Variants in BMPR1B observed in about 807,000 individuals in gnomAD.
BMPR1B encodes the protein bone morphogenetic protein receptor type-1B.
A neutral mutation model predicts 59.1 loss-of-function variants in BMPR1B; 12 were observed. The observed-to-expected ratio is 0.20, with a 90% CI of 0.13 to 0.33. The LOEUF (loss-of-function observed/expected upper bound fraction) is 0.33. Ranked by LOEUF, BMPR1B falls within the 10% of genes least tolerant of loss-of-function variation. The pLI is 1.00. For missense variants in BMPR1B, 550 were observed against 610.9 expected (o/e 0.90, Z 1.05); for synonymous variants, 237 against 207.3 (o/e 1.14, Z -1.23).
At chr4:95,020,835 T>G (rs1723931730) in intron 3 of BMPR1B, among the ~76,000 whole-genome samples, 1 of 152,160 alleles carries the variant, frequency 6.6e-6, no homozygotes, top group Non-Finnish European at 1.5e-5. Context: ...CTCAGCCTCC[T>G]GAGTAGCTAG....
chr4:94,993,019 G>A (rs913658757), intron 2 of BMPR1B, among the ~76,000 whole-genome samples: 7 of 152,236 alleles, frequency 4.6e-5, no homozygotes, highest in Middle Eastern at 6.8e-3. Flanking sequence ...CTACTGGTGT[G>A]TGCCACCACA....
In BMPR1B at chr4:94,899,033, C is replaced by T. The variant is rs963530702; in HGVS notation, c.-113+23133C>T. 2.6e-5 allele frequency among the ~76,000 whole-genome samples: 4 copies of T among 151,994 alleles called. No individual in the cohort carries two copies. In the East Asian group the frequency reaches 7.7e-4, roughly 29 times the overall value. On this transcript the variant is annotated intron_variant, in intron 2 of 12. Transcript: ENST00000515059. ...CAAGGTGTCAGCAGGGCTGTGCAACCCCTGGATGTTCTAGGAGGTAACTCA... is the reference window on the plus strand; with the variant it reads ...CAAGGTGTCAGCAGGGCTGTGCAACTCCTGGATGTTCTAGGAGGTAACTCA...
intron 3 of BMPR1B, among the ~76,000 whole-genome samples, chr4:95,038,193 C>T (rs1725399734): frequency 6.6e-6 from 1 of 152,008 alleles, no homozygotes; most frequent in South Asian, 2.1e-4. Context: ...TCAGGAGACA[C>T]AAAGCTCTGA....
chr4:94,985,534 TGTG>T (rs1721350289), intron 2 of BMPR1B, among the ~76,000 whole-genome samples: 2 of 151,278 alleles, frequency 1.3e-5, no homozygotes, highest in Non-Finnish European at 3.0e-5. Flanking sequence ...TGTGTGTGTG[TGTG>T]TGTGTGTGTG....
intron 3 of BMPR1B, among the ~76,000 whole-genome samples, chr4:95,005,708 T>C (rs1420296093): frequency 2.0e-5 from 3 of 152,192 alleles, no homozygotes; most frequent in African/African-American, 7.2e-5. Flanking sequence ...TACCAAGTTG[T>C]TAACTGATTT....
At chr4:94,973,397 G>A (rs1730889208) in intron 2 of BMPR1B, among the ~76,000 whole-genome samples, 2 of 152,200 alleles carry the variant, frequency 1.3e-5, no homozygotes, top group South Asian at 2.1e-4. Context: ...GTCAATGAAA[G>A]TGGCTGTCAG....
At chr4:94,822,730 A>G (rs930467495) in intron 1 of BMPR1B, among the ~76,000 whole-genome samples, 1 of 152,116 alleles carries the variant, frequency 6.6e-6, no homozygotes. Context: ...CCAGATGACT[A>G]CTTTGGGTGC....
intron 1 of BMPR1B, among the ~76,000 whole-genome samples, chr4:94,855,200 A>T (rs919648652): frequency 9.2e-5 from 14 of 152,206 alleles, no homozygotes; most frequent in African/African-American, 2.9e-4. Context: ...AAGAACACCA[A>T]ACATTTATAG....
At chr4:95,037,209 G>A (rs1159671292) in intron 3 of BMPR1B, among the ~76,000 whole-genome samples, 2 of 152,106 alleles carry the variant, frequency 1.3e-5, no homozygotes, top group East Asian at 3.9e-4. Flanking sequence ...ATAGGATGGG[G>A]GCAGGGCTTA....
At chr4:94,796,877 A>G (rs1723213720) in intron 1 of BMPR1B, among the ~76,000 whole-genome samples, 1 of 152,240 alleles carries the variant, frequency 6.6e-6, no homozygotes, top group South Asian at 2.1e-4. Context: ...AATTATAGTC[A>G]GGTATAATAG....
intron 1 of BMPR1B, among the ~76,000 whole-genome samples, chr4:94,847,750 T>C (rs1423150798): frequency 1.7e-5 from 2 of 117,680 alleles, no homozygotes; most frequent in African/African-American, 6.2e-5. Context: ...ACTGAACTTG[T>C]GGAGATAGAG....
chr4:95,051,902 C>G, intron 3 of BMPR1B: 1 of 776,606 alleles, frequency 1.3e-6, no homozygotes. Context: ...CCCCCATTCT[C>G]CAACTGCCCT....
At chr4:94,795,762 C>T (rs1452624479) in intron 1 of BMPR1B, among the ~76,000 whole-genome samples, 1 of 152,086 alleles carries the variant, frequency 6.6e-6, no homozygotes, top group African/African-American at 2.4e-5. Context: ...CCTGTCCACC[C>T]TGGATTAATG....
intron 10 of BMPR1B, among the ~76,000 whole-genome samples, chr4:95,143,440 T>C (rs560403984): frequency 7.2e-5 from 11 of 152,240 alleles, no homozygotes; most frequent in African/African-American, 2.6e-4. Flanking sequence ...TGTCTTTTAA[T>C]TTTCTTGTCT....
chr4:94,952,847 T>C (rs1489622255), intron 2 of BMPR1B, among the ~76,000 whole-genome samples: 1 of 152,186 alleles, frequency 6.6e-6, no homozygotes, highest in Non-Finnish European at 1.5e-5. Context: ...CTATCAAATA[T>C]TGACAGTGTG....
intron 6 of BMPR1B, among the ~76,000 whole-genome samples, chr4:95,118,202 GTC>G (rs1384062326): frequency 8.5e-5 from 13 of 152,144 alleles, no homozygotes; most frequent in African/African-American, 2.9e-4. Context: ...TAGTTCCAAA[GTC>G]TCTGCAGATT....
At chr4:94,879,502 G>A (rs1726874757) in intron 2 of BMPR1B, among the ~76,000 whole-genome samples, 1 of 152,144 alleles carries the variant, frequency 6.6e-6, no homozygotes, top group South Asian at 2.1e-4. Flanking sequence ...ACTCCAGGAG[G>A]CTGAGGCAGG....
chr4:94,992,882 CT>C (rs35942593), intron 2 of BMPR1B, among the ~76,000 whole-genome samples: 77,280 of 151,018 alleles, frequency 0.51, 20,481 homozygotes, highest in South Asian at 0.64. Flanking sequence ...AGTATGTAAT[CT>C]TTTTTTTTCC....
At chr4:94,891,434 T>A (rs2148990460) in intron 2 of BMPR1B, among the ~76,000 whole-genome samples, 1 of 152,214 alleles carries the variant, frequency 6.6e-6, no homozygotes, top group Non-Finnish European at 1.5e-5. Context: ...ACATGTAAAA[T>A]TAAGACTTTG....
Sources: allele counts gnomAD v4.1 joint callset (sites outside exome capture counted in the v4.1 genomes callset), GRCh38; gene constraint gnomAD v4.1.1; transcripts MANE v1.5; gene names NCBI Gene and HGNC (gene_info 2026-07-23, HGNC 2026-07-21).